The following FRMD4A variants were observed in gnomAD, a reference collection of about 807,000 sequenced individuals.
FRMD4A encodes the protein FERM domain-containing protein 4A.
A neutral mutation model predicts 129.1 loss-of-function variants in FRMD4A; 29 were observed. The observed-to-expected ratio is 0.22, with a 90% CI of 0.17 to 0.31. FRMD4A has a LOEUF of 0.31. FRMD4A is among the 10% of genes least tolerant of loss of function. The pLI is 1.00. For missense variants in FRMD4A, 1,272 were observed against 1,375.8 expected, an observed-to-expected ratio of 0.92 and a Z score of 1.19; for synonymous variants, 634 against 571.6, an observed-to-expected ratio of 1.11 and a Z score of -1.56.
intron 2 of FRMD4A, among the ~76,000 whole-genome samples, chr10:14,208,635 C>T (rs1157607601): frequency 1.3e-5 from 2 of 152,102 alleles, no homozygotes; most frequent in African/African-American, 2.4e-5. Flanking sequence ...GGCCACTCAC[C>T]CCCTGCCTAC....
Position 14,218,589 on chromosome 10 carries a change from C to T in FRMD4A, c.45+111469G>A, listed in dbSNP as rs535317416. On this transcript the variant is annotated intron_variant, in intron 2 of 24. Transcript: ENST00000357447. The stretch of plus-strand genomic sequence containing the variant: ...GTCTTAGTGGCTGGGCACGGTGTCT[C>T]ACGCCTGTAATCCCGGTACTTTGGG... 3.9e-5 allele frequency among the ~76,000 whole-genome samples: 6 copies of T among 152,264 alleles called. No individual in the cohort carries two copies. In the East Asian group the frequency reaches 1.2e-3, roughly 29 times the overall value.
At chr10:14,311,319 A>G (rs1846539698) in intron 2 of FRMD4A, among the ~76,000 whole-genome samples, 1 of 152,138 alleles carries the variant, frequency 6.6e-6, no homozygotes, top group South Asian at 2.1e-4. Context: ...GAACTGACCA[A>G]TTTAGATAAA....
chr10:13,887,505 C>T lies in FRMD4A; in HGVS notation c.46-28593G>A, dbSNP rs140958614. On this transcript the variant is annotated intron_variant, in intron 2 of 24. Coordinates refer to ENST00000357447, the MANE Select transcript of FRMD4A (RefSeq NM_018027.5). ...ACCATACTGGCCAACATGGTGAAAC[C>T]CCGTCTCTACTAAAAATACAAAAAT... Among the ~76,000 whole-genome samples the T allele has an allele frequency of 8.5e-5, 13 of 152,122 alleles. No individual in the cohort carries two copies. In the East Asian group the frequency reaches 2.1e-3, roughly 25 times the overall value.
intron 2 of FRMD4A, among the ~76,000 whole-genome samples, chr10:13,944,048 G>A (rs1477387166): frequency 6.6e-6 from 1 of 152,184 alleles, no homozygotes; most frequent in Non-Finnish European, 1.5e-5. Flanking sequence ...GAGACCATCT[G>A]TCCAGGTCTG....
At chr10:13,859,340 C>T (rs1400720842) in intron 2 of FRMD4A, among the ~76,000 whole-genome samples, 7 of 151,952 alleles carry the variant, frequency 4.6e-5, no homozygotes, top group East Asian at 3.9e-4. Context: ...GCCGAGATCG[C>T]GCCACTGCAC....
chr10:13,827,375 A>G (rs1483808110), intron 3 of FRMD4A, among the ~76,000 whole-genome samples: 2 of 152,210 alleles, frequency 1.3e-5, no homozygotes, highest in African/African-American at 2.4e-5. Context: ...CCTGGGGCAG[A>G]TTTCAAGCCC....
intron 6 of FRMD4A, among the ~76,000 whole-genome samples, chr10:13,772,163 A>G (rs1376886075): frequency 7.4e-6 from 1 of 135,724 alleles, no homozygotes; most frequent in Non-Finnish European, 1.5e-5. Flanking sequence ...TATATAATAT[A>G]TAATATATTA....
In FRMD4A at chr10:14,260,167, G is replaced by A. The variant is rs11258980; in HGVS notation, c.45+69891C>T. 6.3e-3 allele frequency among the ~76,000 whole-genome samples: 952 copies of A among 152,246 alleles called. 11 individuals carry two copies. The highest frequency in any genetic ancestry group is 0.05 in the South Asian group (240 of 4,826). Reference sequence around the variant, plus strand: ...ATGATGTGTGCCAGAGCCCTCGGCAGGTGCAGTTTGGCTCCAGACCCCAGC... The same window carrying A: ...ATGATGTGTGCCAGAGCCCTCGGCAAGTGCAGTTTGGCTCCAGACCCCAGC... On this transcript the variant is annotated intron_variant, in intron 2 of 24. Coordinates refer to ENST00000357447, the MANE Select transcript of FRMD4A (RefSeq NM_018027.5).
intron 4 of FRMD4A, among the ~76,000 whole-genome samples, chr10:13,799,953 GC>G (rs981403941): frequency 6.6e-6 from 1 of 152,000 alleles, no homozygotes; most frequent in Non-Finnish European, 1.5e-5. Flanking sequence ...GCTGAGGCAG[GC>G]GGATCACGAG....
intron 6 of FRMD4A, among the ~76,000 whole-genome samples, chr10:13,777,642 A>AT: frequency 6.6e-6 from 1 of 152,144 alleles, no homozygotes; most frequent in South Asian, 2.1e-4. Context: ...TCTGACATTT[A>AT]TTCTTTTTAA....
At chr10:13,873,408 A>T (rs1052899277) in intron 2 of FRMD4A, among the ~76,000 whole-genome samples, 1 of 152,166 alleles carries the variant, frequency 6.6e-6, no homozygotes, top group African/African-American at 2.4e-5. Context: ...AGAACACAGG[A>T]TGTGTGCTGG....
At chr10:13,735,208 T>C (rs1294102610) in intron 12 of FRMD4A, among the ~76,000 whole-genome samples, 5 of 152,214 alleles carry the variant, frequency 3.3e-5, no homozygotes, top group Non-Finnish European at 7.3e-5. Context: ...GAATGAGTGA[T>C]GGCTGTGACA....
intron 2 of FRMD4A, among the ~76,000 whole-genome samples, chr10:13,965,066 T>A (rs946762533): frequency 2.1e-5 from 1 of 46,576 alleles, no homozygotes; most frequent in Non-Finnish European, 4.0e-5. Flanking sequence ...CCACTGGGCA[T>A]TTTTTTTTTT....
chr10:13,718,166 G>A (rs2089035420), intron 12 of FRMD4A, among the ~76,000 whole-genome samples: 1 of 152,212 alleles, frequency 6.6e-6, no homozygotes, highest in African/African-American at 2.4e-5. Context: ...CACCAGAAGC[G>A]AGGCAGATTG....
At chr10:14,283,240 T>C (rs12261629) in intron 2 of FRMD4A, among the ~76,000 whole-genome samples, 3,084 of 152,322 alleles carry the variant, frequency 0.02, 70 homozygotes, top group African/African-American at 0.059. Flanking sequence ...GGATTCCTTG[T>C]AGAAGCTAAC....
chr10:13,926,989 C>A (rs1295864467), intron 2 of FRMD4A, among the ~76,000 whole-genome samples: 1 of 152,138 alleles, frequency 6.6e-6, no homozygotes, highest in Non-Finnish European at 1.5e-5. Flanking sequence ...TGTGGTGGCT[C>A]ACGTCTATAA....
At chr10:13,940,234 T>A (rs1392933214) in intron 2 of FRMD4A, among the ~76,000 whole-genome samples, 1 of 152,122 alleles carries the variant, frequency 6.6e-6, no homozygotes, top group East Asian at 1.9e-4. Context: ...GCCAAGGTCA[T>A]GGGTTGACTT....
chr10:13,767,975 G>T (rs2092339897), intron 6 of FRMD4A, among the ~76,000 whole-genome samples: 1 of 152,144 alleles, frequency 6.6e-6, no homozygotes, highest in African/African-American at 2.4e-5. Context: ...TGGCCACTGG[G>T]TGTGTACTTT....
intron 2 of FRMD4A, among the ~76,000 whole-genome samples, chr10:13,949,330 A>G (rs12781616): frequency 0.14 from 20,564 of 149,738 alleles, 1,633 homozygotes; most frequent in Admixed American, 0.16. Context: ...AAAGAAAGAA[A>G]GAATAGGATG....
Sources: gnomAD v4.1 joint callset for allele counts (sites outside exome capture counted in the v4.1 genomes callset) on GRCh38, gnomAD v4.1.1 for gene constraint, MANE v1.5 for transcripts, NCBI Gene and HGNC (gene_info 2026-07-23, HGNC 2026-07-21) for gene names.